NAALADL2: variants seen among roughly 807,000 people sequenced by gnomAD.
NAALADL2 encodes the protein N-acetylated alpha-linked acidic dipeptidase like 2.
NAALADL2 carries 76 observed loss-of-function variants against 87.2 expected under a neutral mutation model. The ratio of observed to expected loss-of-function variants is 0.87; its 90% confidence interval spans 0.72 to 1.05. The LOEUF is 1.05. Ranked by LOEUF, NAALADL2 falls within the 50% of genes least tolerant of loss-of-function variation. The pLI, the probability that NAALADL2 is intolerant of heterozygous loss-of-function variation, is 0.00. For missense variants in NAALADL2, 1,089 were observed against 945.8 expected (o/e 1.15, Z -1.99); for synonymous variants, 354 against 331.0 (o/e 1.07, Z -0.75).
At position 175,410,458 on chromosome 3, in the gene NAALADL2, G is replaced by T. The variant is rs141533377; in HGVS notation, c.1091-36771G>T. Among the ~76,000 whole-genome samples, 990 of 152,178 alleles carry T rather than the reference G, an allele frequency of 6.5e-3. 9 individuals carry two copies. The highest frequency in any genetic ancestry group is 0.023 in the African/African-American group (962 of 41,524). ...ACTCCAAAGAAAAATTCAGGAAACAGATCTTCTCTTACACTCACCTACTGA... is the reference window on the plus strand; with the variant it reads ...ACTCCAAAGAAAAATTCAGGAAACATATCTTCTCTTACACTCACCTACTGA... On this transcript the variant is annotated intron_variant, in intron 5 of 13. Transcript: ENST00000454872.
intron 5 of NAALADL2, among the ~76,000 whole-genome samples, chr3:175,441,060 A>G (rs1195748259): frequency 6.6e-6 from 1 of 151,558 alleles, no homozygotes; most frequent in Admixed American, 6.6e-5. Context: ...TTTTCTTTTC[A>G]TTTTTCTTTT....
intron 1 of NAALADL2, among the ~76,000 whole-genome samples, chr3:174,546,535 T>C (rs1269283573): frequency 6.6e-6 from 1 of 152,200 alleles, no homozygotes; most frequent in Non-Finnish European, 1.5e-5. Flanking sequence ...TGATACAAAC[T>C]GACATTTCTT....
intron 4 of NAALADL2, among the ~76,000 whole-genome samples, chr3:175,273,733 CGTGTGTGTGTGT>C (rs35081448): frequency 6.7e-6 from 1 of 148,742 alleles, no homozygotes. Context: ...TGTGTGTGTG[CGTGTGTGTGTGT>C]GTGTTAAATT....
At chr3:175,563,799 A>G (rs1716666101) in intron 9 of NAALADL2, among the ~76,000 whole-genome samples, 1 of 152,174 alleles carries the variant, frequency 6.6e-6, no homozygotes, top group Non-Finnish European at 1.5e-5. Context: ...ACCTGGAGCA[A>G]AGAAATCTAA....
chr3:175,044,179 G>T (rs1296113957), intron 1 of NAALADL2, among the ~76,000 whole-genome samples: 2 of 151,980 alleles, frequency 1.3e-5, no homozygotes, highest in African/African-American at 4.8e-5. Flanking sequence ...TGTTCTTAGT[G>T]TGTAGAAACA....
At chr3:174,510,967 A>G (rs1719564569) in intron 1 of NAALADL2, among the ~76,000 whole-genome samples, 2 of 151,972 alleles carry the variant, frequency 1.3e-5, no homozygotes, top group Non-Finnish European at 2.9e-5. Context: ...TGTCATTTGA[A>G]AGAATTTTGG....
At chr3:174,821,566 G>A (rs370625718) in intron 3 of NAALADL2, among the ~76,000 whole-genome samples, 4 of 152,154 alleles carry the variant, frequency 2.6e-5, no homozygotes, top group African/African-American at 9.7e-5. Context: ...GACAGATTGA[G>A]CAAATGAACC....
chr3:174,973,774 T>C (rs575495089), intron 1 of NAALADL2, among the ~76,000 whole-genome samples: 70 of 152,290 alleles, frequency 4.6e-4, no homozygotes, highest in African/African-American at 1.7e-3. Flanking sequence ...ACAATTTTAA[T>C]ATAATGGTAA....
chr3:175,142,761 A>C (rs577408381), intron 2 of NAALADL2, among the ~76,000 whole-genome samples: 1 of 151,952 alleles, frequency 6.6e-6, no homozygotes, highest in South Asian at 2.1e-4. Flanking sequence ...AAGGATGATA[A>C]ATCTTCCATT....
intron 3 of NAALADL2, among the ~76,000 whole-genome samples, chr3:175,245,534 C>A (rs1381442768): frequency 6.6e-6 from 1 of 152,152 alleles, no homozygotes; most frequent in Admixed American, 6.5e-5. Context: ...TATTAAACAA[C>A]TACTGTATGC....
At chr3:175,606,088 G>A (rs1329651303) in intron 10 of NAALADL2, among the ~76,000 whole-genome samples, 2 of 152,156 alleles carry the variant, frequency 1.3e-5, no homozygotes, top group African/African-American at 2.4e-5. Flanking sequence ...CCTCAGAAGG[G>A]ACAAAGGGAA....
chr3:175,379,849 T>C (rs1767586639), intron 5 of NAALADL2, among the ~76,000 whole-genome samples: 1 of 152,212 alleles, frequency 6.6e-6, no homozygotes, highest in African/African-American at 2.4e-5. Context: ...AAGAATTAAA[T>C]TTTGTAGAAT....
At chr3:174,515,869 A>G (rs1247391370) in intron 1 of NAALADL2, among the ~76,000 whole-genome samples, 1 of 152,034 alleles carries the variant, frequency 6.6e-6, no homozygotes, top group East Asian at 1.9e-4. Flanking sequence ...ATGAATGATA[A>G]TAGCAGTCTT....
intron 4 of NAALADL2, among the ~76,000 whole-genome samples, chr3:175,313,917 C>T (rs1350961876): frequency 6.6e-6 from 1 of 151,680 alleles, no homozygotes; most frequent in East Asian, 1.9e-4. Context: ...AAAAAACTAG[C>T]TGGGAGTGGT....
intron 5 of NAALADL2, among the ~76,000 whole-genome samples, chr3:175,423,590 A>G (rs1289583134): frequency 6.6e-6 from 1 of 152,186 alleles, no homozygotes; most frequent in Non-Finnish European, 1.5e-5. Flanking sequence ...TACAAAGGAC[A>G]TGAACTCATC....
chr3:174,591,610 T>C (rs1402390104), intron 2 of NAALADL2, among the ~76,000 whole-genome samples: 4 of 152,172 alleles, frequency 2.6e-5, no homozygotes, highest in Admixed American at 6.5e-5. Context: ...AAATACAAAG[T>C]TCACCTTGCA....
chr3:175,678,628 A>G (rs1381418519), intron 11 of NAALADL2, among the ~76,000 whole-genome samples: 6 of 152,210 alleles, frequency 3.9e-5, no homozygotes, highest in Non-Finnish European at 8.8e-5. Flanking sequence ...GCAAGGACAG[A>G]AAACTAAACA....
chr3:174,648,248 G>C (rs1209565423), intron 2 of NAALADL2, among the ~76,000 whole-genome samples: 1 of 151,754 alleles, frequency 6.6e-6, no homozygotes, highest in African/African-American at 2.4e-5. Context: ...GCTTGAACCC[G>C]GGAGGCAGAG....
intron 2 of NAALADL2, among the ~76,000 whole-genome samples, chr3:174,707,701 G>A (rs933659618): frequency 6.6e-6 from 1 of 151,396 alleles, no homozygotes; most frequent in Non-Finnish European, 1.5e-5. Context: ...TGTGAATGAC[G>A]AGTTACTGGG....
Sources: gnomAD v4.1 joint callset for allele counts (sites outside exome capture counted in the v4.1 genomes callset) on GRCh38, gnomAD v4.1.1 for gene constraint, MANE v1.5 for transcripts, NCBI Gene and HGNC (gene_info 2026-07-23, HGNC 2026-07-21) for gene names.